The following RAB30 variants were observed in gnomAD, a reference collection of about 807,000 sequenced individuals.
The protein encoded by RAB30 is RAB30, member RAS oncogene family.
In RAB30, 9 loss-of-function variants were observed where a neutral mutation model predicts 25.1. The observed-to-expected ratio is 0.36, with a 90% CI of 0.22 to 0.63. RAB30 has a LOEUF of 0.63. RAB30 is among the 20% of genes least tolerant of loss of function. The pLI is 0.69. For missense variants in RAB30, 140 were observed against 243.5 expected, an observed-to-expected ratio of 0.58 and a Z score of 2.83; for synonymous variants, 77 against 86.4, an observed-to-expected ratio of 0.89 and a Z score of 0.60.
chr11:83,008,677 CGCACACACAT>C (rs1463405519), intron 1 of RAB30, among the ~76,000 whole-genome samples: 1 of 152,066 alleles, frequency 6.6e-6, no homozygotes, highest in Non-Finnish European at 1.5e-5. Flanking sequence ...CAGGGATGGA[CGCACACACAT>C]GCACACACAC....
intron 1 of RAB30, among the ~76,000 whole-genome samples, chr11:83,064,859 C>T (rs1479848733): frequency 1.3e-5 from 2 of 152,048 alleles, no homozygotes; most frequent in East Asian, 1.9e-4. Context: ...CAAATTTCCC[C>T]GATTATCCTG....
At chr11:83,044,083 A>G (rs1286004130) in intron 1 of RAB30, among the ~76,000 whole-genome samples, 1 of 141,936 alleles carries the variant, frequency 7.0e-6, no homozygotes, top group Non-Finnish European at 1.6e-5. Flanking sequence ...TGGGACTTGA[A>G]AAGAACAAAG....
intron 1 of RAB30, among the ~76,000 whole-genome samples, chr11:83,014,821 G>A (rs1483625433): frequency 1.3e-5 from 2 of 151,298 alleles, no homozygotes; most frequent in East Asian, 1.9e-4. Flanking sequence ...AGGAAGGAAG[G>A]AAGAGAGAAG....
At chr11:82,991,873 T>C (rs1029322982) in intron 3 of RAB30, among the ~76,000 whole-genome samples, 2 of 152,192 alleles carry the variant, frequency 1.3e-5, no homozygotes, top group Non-Finnish European at 2.9e-5. Flanking sequence ...TATAAAAATA[T>C]CAATTTTTGC....
intron 1 of RAB30, among the ~76,000 whole-genome samples, chr11:83,032,970 T>C (rs1455023527): frequency 6.6e-6 from 1 of 151,254 alleles, no homozygotes; most frequent in Non-Finnish European, 1.5e-5. Flanking sequence ...AGCATCTCAC[T>C]GGGGAACATA....
chr11:82,993,143 C>T lies in RAB30; in HGVS notation c.177+896G>A, dbSNP rs534318753. Among the ~76,000 whole-genome samples, 21 of 152,350 alleles carry T rather than the reference C, an allele frequency of 1.4e-4. 1 individual carries two copies. The South Asian group carries it at 4.3e-3, about 32-fold the overall frequency. ...CCTTCCAGGTGATTTAGTCTCCCTT[C>T]ACATTTCTTTCCATCACCTTCCTCC... On this transcript the variant is annotated intron_variant, in intron 3 of 4. Coordinates refer to ENST00000527633, the MANE Select transcript of RAB30 (RefSeq NM_001286060.2).
chr11:83,044,306 T>C (rs1271044868), intron 1 of RAB30, among the ~76,000 whole-genome samples: 1 of 152,248 alleles, frequency 6.6e-6, no homozygotes, highest in South Asian at 2.1e-4. Context: ...TTATTTAATT[T>C]GGATTTTCCC....
chr11:83,027,241 G>C (rs1233111984), intron 1 of RAB30, among the ~76,000 whole-genome samples: 1 of 152,094 alleles, frequency 6.6e-6, no homozygotes, highest in East Asian at 1.9e-4. Context: ...TCACTGTATT[G>C]CCCTCCCTAC....
intron 1 of RAB30, among the ~76,000 whole-genome samples, chr11:83,036,819 G>C (rs891510869): frequency 1.3e-5 from 2 of 152,176 alleles, no homozygotes; most frequent in African/African-American, 4.8e-5. Context: ...GAAGTGCAAG[G>C]GTTAGCTACC....
intron 1 of RAB30, among the ~76,000 whole-genome samples, chr11:83,047,086 T>G (rs1386625525): frequency 6.6e-6 from 1 of 152,192 alleles, no homozygotes; most frequent in Non-Finnish European, 1.5e-5. Flanking sequence ...ACTGCATAAA[T>G]GAATTCTGCA....
At chr11:83,036,391 C>T (rs1374288056) in intron 1 of RAB30, among the ~76,000 whole-genome samples, 1 of 152,172 alleles carries the variant, frequency 6.6e-6, no homozygotes, top group African/African-American at 2.4e-5. Context: ...TGGTCTCGAA[C>T]TCCTGACCTC....
At chr11:83,057,099 C>A (rs1032371704) in intron 1 of RAB30, among the ~76,000 whole-genome samples, 3 of 151,982 alleles carry the variant, frequency 2.0e-5, no homozygotes, top group African/African-American at 7.2e-5. Flanking sequence ...AATTTTGTCA[C>A]TTCAAAGGGA....
At chr11:83,063,495 G>A (rs1244080114) in intron 1 of RAB30, among the ~76,000 whole-genome samples, 2 of 152,178 alleles carry the variant, frequency 1.3e-5, no homozygotes, top group African/African-American at 2.4e-5. Context: ...TTTAAACACT[G>A]TACTGTGTTG....
intron 1 of RAB30, among the ~76,000 whole-genome samples, chr11:83,056,212 T>C (rs1051047822): frequency 2.6e-5 from 4 of 152,208 alleles, no homozygotes. Context: ...GTAACCACCA[T>C]TTTACTTTAT....
In RAB30 at chr11:82,974,109, G is replaced by T. The variant is rs1856501539; in HGVS notation, c.*8056C>A. 1.3e-5 allele frequency: 2 copies of T among 152,116 alleles called. No individual in the cohort carries two copies. Among genetic ancestry groups the T allele is most frequent in the South Asian group, 4.2e-4 (2 of 4,804 alleles). 9.4% of individuals were successfully genotyped at this position (152,116 alleles called of 1,614,324 possible). Reference sequence around the variant, plus strand: ...GATGCTGGGGGAAGGAGGAGGAGGAGTGATTGCAAATGGTATGGGGTTTCT... The same window carrying T: ...GATGCTGGGGGAAGGAGGAGGAGGATTGATTGCAAATGGTATGGGGTTTCT... On this transcript the variant is annotated 3_prime_UTR_variant, in exon 5 of 5. Transcript: ENST00000527633.
At chr11:82,995,478 C>A (rs1453384266) in intron 2 of RAB30, among the ~76,000 whole-genome samples, 1 of 152,162 alleles carries the variant, frequency 6.6e-6, no homozygotes, top group African/African-American at 2.4e-5. Context: ...CCATTTTGTT[C>A]CCAACCTCTG....
chr11:83,060,521 C>A (rs967422634), intron 1 of RAB30, among the ~76,000 whole-genome samples: 1 of 152,168 alleles, frequency 6.6e-6, no homozygotes, highest in African/African-American at 2.4e-5. Flanking sequence ...ATGTTACAAA[C>A]TGACATTAGG....
rs182330138 is a variant in RAB30, at chr11:83,057,938, A to G, written c.-9+13753T>C. Among the ~76,000 whole-genome samples, 12 of 152,348 alleles carry G rather than the reference A, an allele frequency of 7.9e-5. No homozygotes were observed. The East Asian group carries it at 2.1e-3, about 27-fold the overall frequency. On this transcript the variant is annotated intron_variant, in intron 1 of 4. Transcript: ENST00000527633. ...TCGGCTTTGCCCATCCTACAATGCC[A>G]GCCTGTACTGGGAAGCACACCAGGT...
rs1287644179 is a variant in RAB30 at position 82,977,845 on chromosome 11, A to C, written c.*4320T>G. 2 of 152,178 alleles carry C rather than the reference A, an allele frequency of 1.3e-5. No homozygotes were observed. Among genetic ancestry groups the C allele is most frequent in the African/African-American group, 2.4e-5 (1 of 41,450 alleles). The allele number at this position is 152,178 out of a possible 1,614,324, so 9.4% of individuals were successfully genotyped here. A position where few individuals can be genotyped will look rare whatever the true frequency, so the allele number is the denominator to read the frequency against. On this transcript the variant is annotated 3_prime_UTR_variant, in exon 5 of 5. Coordinates refer to ENST00000527633, the MANE Select transcript of RAB30 (RefSeq NM_001286060.2). ...GACTGAGGAGAGGAGATGAAATGCC[A>C]TCTCCCTTACTCTAATGTTGCTATA... is the stretch of plus-strand genomic sequence containing the variant.
Sources: allele counts gnomAD v4.1 joint callset (sites outside exome capture counted in the v4.1 genomes callset), GRCh38; gene constraint gnomAD v4.1.1; transcripts MANE v1.5; gene names NCBI Gene and HGNC (gene_info 2026-07-23, HGNC 2026-07-21).